NEDD4: variants seen among roughly 807,000 people sequenced by gnomAD.
NEDD4 encodes NEDD4 E3 ubiquitin protein ligase, also known as E3 ubiquitin-protein ligase NEDD4.
A neutral mutation model predicts 144.9 loss-of-function variants in NEDD4; 99 were observed. The observed-to-expected ratio is 0.68, with a 90% CI of 0.58 to 0.81. The LOEUF (loss-of-function observed/expected upper bound fraction) is 0.81, where lower values mean the gene tolerates loss of function less well. Among genes scored for constraint, NEDD4 ranks in the 30% least tolerant of loss-of-function variants. NEDD4 has a pLI of 0.00. For synonymous variants in NEDD4, 318 were observed against 350.6 expected (o/e 0.91, Z 1.04); for missense variants, 985 against 1,065.9 (o/e 0.92, Z 1.06).
At chr15:55,950,446 C>T (rs183176390) in intron 4 of NEDD4, among the ~76,000 whole-genome samples, 3 of 152,312 alleles carry the variant, frequency 2.0e-5, no homozygotes, top group Admixed American at 6.5e-5. Flanking sequence ...TACAGAAGAA[C>T]GGCTTCTGTT....
chr15:55,979,963 T>A (rs945129507), intron 1 of NEDD4, among the ~76,000 whole-genome samples: 2 of 151,884 alleles, frequency 1.3e-5, no homozygotes, highest in Non-Finnish European at 2.9e-5. Context: ...CAGATTGGAG[T>A]GCAGTGGCGC....
chr15:55,961,702 C>T (rs2037429287), intron 2 of NEDD4, among the ~76,000 whole-genome samples: 1 of 152,078 alleles, frequency 6.6e-6, no homozygotes, highest in East Asian at 1.9e-4. Context: ...ATCTCCTGAC[C>T]TTGTGATCCG....
chr15:55,966,434 G>T, intron 2 of NEDD4, 39 bp downstream of exon 2: 1 of 1,267,120 alleles, frequency 7.9e-7, no homozygotes, highest in Non-Finnish European at 1.1e-6. Context: ...ATTAACAAAT[G>T]CAAAGTTTTA....
intron 14 of NEDD4, among the ~76,000 whole-genome samples, chr15:55,850,197 T>A (rs1251983209): frequency 1.3e-5 from 2 of 152,228 alleles, no homozygotes; most frequent in Non-Finnish European, 2.9e-5. Context: ...ACAAGGTTTT[T>A]TTGATATTAA....
rs143464681 is a variant in NEDD4, at chr15:55,910,739, A to G, written c.291+13907T>C. ...CCTCTGATACACATAAACTTCATAC[A>G]TGATTTCTTCTTCACCCTCCCAATC... On this transcript the variant is annotated intron_variant, in intron 5 of 28. Transcript: ENST00000435532. Among the ~76,000 whole-genome samples, 199 of 152,234 alleles carry G rather than the reference A, an allele frequency of 1.3e-3. 1 individual carries two copies. In the Middle Eastern group the frequency reaches 0.031, roughly 23 times the overall value.
At chr15:55,972,189 A>G (rs568594784) in intron 1 of NEDD4, among the ~76,000 whole-genome samples, 1 of 152,328 alleles carries the variant, frequency 6.6e-6, no homozygotes, top group South Asian at 2.1e-4. Flanking sequence ...TGAAGGTACA[A>G]AATTCACATG....
At chr15:55,943,834 T>A (rs1281067589) in intron 4 of NEDD4, among the ~76,000 whole-genome samples, 1 of 152,124 alleles carries the variant, frequency 6.6e-6, no homozygotes, top group Non-Finnish European at 1.5e-5. Flanking sequence ...GCTTGCACTG[T>A]TTGCCTGCAA....
chr15:55,921,471 C>T (rs192119661), intron 5 of NEDD4, among the ~76,000 whole-genome samples: 4 of 152,000 alleles, frequency 2.6e-5, no homozygotes, highest in East Asian at 3.9e-4. Context: ...ACTACAGGTG[C>T]GCACCATCAG....
chr15:55,902,458 C>T (rs1211524558), intron 5 of NEDD4, among the ~76,000 whole-genome samples: 3 of 151,970 alleles, frequency 2.0e-5, no homozygotes, highest in African/African-American at 4.8e-5. Context: ...TGCATTTCAA[C>T]GTGTTTATGG....
chr15:55,896,696 T>C (rs2035749228), intron 5 of NEDD4, among the ~76,000 whole-genome samples: 1 of 152,188 alleles, frequency 6.6e-6, no homozygotes, highest in African/African-American at 2.4e-5. Flanking sequence ...TCTGGTATCA[T>C]GGAGCCTCCA....
chr15:55,901,636 G>A (rs1365243632), intron 5 of NEDD4, among the ~76,000 whole-genome samples: 2 of 152,104 alleles, frequency 1.3e-5, no homozygotes, highest in Non-Finnish European at 2.9e-5. Flanking sequence ...TTCGTGGTCT[G>A]TGTATTTTTA....
In NEDD4 at chr15:55,982,882, G is replaced by A. The variant is rs867781391; in HGVS notation, c.45+10629C>T. On this transcript the variant is annotated intron_variant, in intron 1 of 28. Transcript: ENST00000435532. ...CACACCTGTAATCCCAGCACTTTGGGAGGCCAAGGTAGGTGGATCACCTGA... is the reference window on the plus strand; with the variant it reads ...CACACCTGTAATCCCAGCACTTTGGAAGGCCAAGGTAGGTGGATCACCTGA... Among the ~76,000 whole-genome samples, 9 of 152,268 alleles carry A rather than the reference G, an allele frequency of 5.9e-5. No individual in the cohort carries two copies. The South Asian group carries it at 6.2e-4, about 11-fold the overall frequency.
intron 2 of NEDD4, among the ~76,000 whole-genome samples, chr15:55,953,632 C>T (rs573467779): frequency 7.2e-4 from 109 of 151,318 alleles, no homozygotes; most frequent in African/African-American, 2.5e-3. Flanking sequence ...AGTAGAGACG[C>T]GGTTTTGCCA....
chr15:55,987,081 CCCA>C (rs1226482436), intron 1 of NEDD4: 2 of 131,540 alleles, frequency 1.5e-5, no homozygotes, highest in Non-Finnish European at 3.2e-5. Context: ...AGTTTACAGT[CCCA>C]CCAACAGTGT....
rs555939608 is a variant in NEDD4 at position 55,829,277 on chromosome 15, A to G, written c.*620T>C. The G allele has an allele frequency of 6.6e-6, 1 of 152,374 alleles. No individual in the cohort carries two copies. Among genetic ancestry groups the G allele is most frequent in the South Asian group, 2.1e-4 (1 of 4,828 alleles). The allele number at this position is 152,374 out of a possible 1,614,324, so 9.4% of individuals were successfully genotyped here. The stretch of plus-strand genomic sequence containing the variant: ...ATACTTCGAAAGTGAAGAAGTAAAC[A>G]GTTTTTCTGTGAGTTAGTTGGCTAG... On this transcript the variant is annotated 3_prime_UTR_variant, in exon 29 of 29. Coordinates refer to ENST00000435532, the MANE Select transcript of NEDD4 (RefSeq NM_006154.4).
rs533986219 is a variant in NEDD4 at position 55,974,727 on chromosome 15, A to T, written c.46-8181T>A. 2.3e-4 allele frequency among the ~76,000 whole-genome samples: 32 copies of T among 137,950 alleles called. No individual in the cohort carries two copies. In the South Asian group the frequency reaches 7.0e-3, roughly 30 times the overall value. The allele number at this position is 137,950 out of a possible 152,430, so 90.5% of individuals were successfully genotyped here. ...ATAAATTTCAACATCTCTTCATGATAAAAAAAAAAACCCTCAAAAACCTGA... is the reference window on the plus strand; with the variant it reads ...ATAAATTTCAACATCTCTTCATGATTAAAAAAAAAACCCTCAAAAACCTGA... On this transcript the variant is annotated intron_variant, in intron 1 of 28. Transcript: ENST00000435532.
chr15:55,855,044 G>A (rs2034136819), intron 12 of NEDD4, among the ~76,000 whole-genome samples: 1 of 152,176 alleles, frequency 6.6e-6, no homozygotes, highest in Admixed American at 6.5e-5. Context: ...GTGAGTGAGA[G>A]TAAGGCTAGC....
chr15:55,890,303 A>C (rs2035526446), intron 5 of NEDD4, among the ~76,000 whole-genome samples: 1 of 152,178 alleles, frequency 6.6e-6, no homozygotes, highest in South Asian at 2.1e-4. Flanking sequence ...TCAATTTTAG[A>C]ACATTTTCAT....
At chr15:55,873,853 T>C in intron 6 of NEDD4, 105 bp downstream of exon 6, 1 of 494,078 alleles carries the variant, frequency 2.0e-6, no homozygotes, top group East Asian at 3.3e-5. Flanking sequence ...AAAAGTAGTA[T>C]ACATTTGATA....
Sources: gnomAD v4.1 joint callset for allele counts (sites outside exome capture counted in the v4.1 genomes callset) on GRCh38, gnomAD v4.1.1 for gene constraint, MANE v1.5 for transcripts, NCBI Gene and HGNC (gene_info 2026-07-23, HGNC 2026-07-21) for gene names.